The following NMBR variants were observed in gnomAD, a reference collection of about 807,000 sequenced individuals.
The protein encoded by NMBR is neuromedin-B receptor.
NMBR carries 16 observed loss-of-function variants against 20.5 expected under a neutral mutation model. That is an observed-to-expected ratio of 0.78 (90% CI 0.53 to 1.19). The LOEUF (loss-of-function observed/expected upper bound fraction) is 1.19, where lower values mean the gene tolerates loss of function less well. Ranked by LOEUF, NMBR falls within the 50% of genes most tolerant of loss-of-function variation. The probability of loss-of-function intolerance (pLI) is 0.00; values close to 1 mark genes in which losing one functional copy is unlikely to be tolerated. For synonymous variants in NMBR, 212 were observed against 196.6 expected (o/e 1.08, Z -0.65); for missense variants, 582 against 499.1 (o/e 1.17, Z -1.58).
chr6:142,114,348 G>C, intron 1 of NMBR, among the ~76,000 whole-genome samples: 1 of 151,440 alleles, frequency 6.6e-6, no homozygotes, highest in East Asian at 1.9e-4. Flanking sequence ...TGACATTTTT[G>C]TGGTTGGTAA....
intron 1 of NMBR, among the ~76,000 whole-genome samples, chr6:142,125,527 A>ATATACATC (rs1554215504): frequency 6.6e-6 from 1 of 151,572 alleles, no homozygotes; most frequent in Non-Finnish European, 1.5e-5. Context: ...ACAATTACTC[A>ATATACATC]TGCTTTTATG....
chr6:142,097,115 A>C (rs1202359546), intron 1 of NMBR, among the ~76,000 whole-genome samples: 1 of 151,690 alleles, frequency 6.6e-6, no homozygotes, highest in African/African-American at 2.4e-5. Context: ...ATGGGTCTTG[A>C]CTCTTTATCC....
Position 142,088,882 on chromosome 6 carries a change from G to T in NMBR, c.-224C>A, listed in dbSNP as rs1056333058. On this transcript the variant is annotated 5_prime_UTR_variant, in exon 2 of 4. Transcript: ENST00000258042. Reference sequence around the variant, plus strand: ...GCTTCTAGAGGGGGGAAATGGCTCCGGCTAACTCTGAATTTAAATTAAAAA... The same window carrying T: ...GCTTCTAGAGGGGGGAAATGGCTCCTGCTAACTCTGAATTTAAATTAAAAA... 276 of 464,452 alleles carry T rather than the reference G, an allele frequency of 5.9e-4. No individual in the cohort carries two copies. Among genetic ancestry groups the T allele is most frequent in the Non-Finnish European group, 9.2e-4 (243 of 264,896 alleles). The allele number at this position is 464,452 out of a possible 1,614,324, so 28.8% of individuals were successfully genotyped here.
chr6:142,106,059 C>T (rs2114585108), intron 1 of NMBR, among the ~76,000 whole-genome samples: 1 of 152,012 alleles, frequency 6.6e-6, no homozygotes, highest in Non-Finnish European at 1.5e-5. Flanking sequence ...ACACAAGAAC[C>T]CTCCCTAATG....
chr6:142,131,963 A>G (rs1302795519), intron 1 of NMBR, among the ~76,000 whole-genome samples: 1 of 152,208 alleles, frequency 6.6e-6, no homozygotes, highest in African/African-American at 2.4e-5. Context: ...CTTCTTGGGA[A>G]TCAACACAAA....
chr6:142,080,219 T>C (rs1777065781), intron 2 of NMBR, among the ~76,000 whole-genome samples: 1 of 152,034 alleles, frequency 6.6e-6, no homozygotes. Context: ...TGCTATCATC[T>C]TTTGTTTCCT....
intron 2 of NMBR, among the ~76,000 whole-genome samples, chr6:142,080,609 A>C (rs957387566): frequency 6.6e-6 from 1 of 152,154 alleles, no homozygotes; most frequent in East Asian, 1.9e-4. Flanking sequence ...TACTGCAGCC[A>C]GCTCTTGCTA....
chr6:142,120,176 C>G (rs1213148863), intron 1 of NMBR, among the ~76,000 whole-genome samples: 3 of 151,694 alleles, frequency 2.0e-5, no homozygotes, highest in Non-Finnish European at 4.4e-5. Flanking sequence ...TCTCTCCTGC[C>G]CTAAACAACT....
In NMBR at chr6:142,088,614, C is replaced by A. The variant is rs773547389; in HGVS notation, c.45G>T (p.Ala15=). 209 of 1,609,042 alleles carry A rather than the reference C, an allele frequency of 1.3e-4. No homozygotes were observed. Among genetic ancestry groups the A allele is most frequent in the Non-Finnish European group, 1.7e-4 (197 of 1,179,930 alleles). Residue 15 remains alanine (A), a synonymous_variant, in exon 2 of 4, where the codon GCG becomes GCT. Coordinates refer to ENST00000258042, the MANE Select transcript of NMBR (RefSeq NM_002511.4). The part of the protein sequence containing the change: ...SLSNLSVTTG[A]NESGSVPEGW... ...CCTCGGGAACGGAACCGCTCTCATTCGCGCCGGTGGTCACCGAGAGGTTGG... is the reference window on the plus strand; with the variant it reads ...CCTCGGGAACGGAACCGCTCTCATTAGCGCCGGTGGTCACCGAGAGGTTGG...
In NMBR at chr6:142,122,829, C is replaced by CA. The variant is rs199886976; in HGVS notation, c.-664+24214dup. On this transcript the variant is annotated intron_variant, in intron 1 of 3. Coordinates refer to ENST00000258042, the MANE Select transcript of NMBR (RefSeq NM_002511.4). ...AAATGCACTATTGAGACTTACTGCT[C>CA]AAAAAAAAAGGATTCCTTTCAAAAT... 4.1e-4 allele frequency among the ~76,000 whole-genome samples: 61 copies of CA among 150,148 alleles called. 1 individual carries two copies. The highest frequency in any genetic ancestry group is 1.6e-3 in the East Asian group (8 of 5,108).
At chr6:142,092,338 G>A (rs1031625578) in intron 1 of NMBR, among the ~76,000 whole-genome samples, 5 of 151,846 alleles carry the variant, frequency 3.3e-5, no homozygotes, top group African/African-American at 1.2e-4. Flanking sequence ...ATAATACTGG[G>A]AAAACTGTTG....
intron 1 of NMBR, among the ~76,000 whole-genome samples, chr6:142,146,657 C>T (rs1178073583): frequency 6.6e-6 from 1 of 152,076 alleles, no homozygotes; most frequent in Non-Finnish European, 1.5e-5. Context: ...AAAATACGTA[C>T]TAGCCAGCTG....
Position 142,076,039 on chromosome 6 carries a change from C to T in NMBR, c.782G>A (p.Arg261Gln), listed in dbSNP as rs769399701. The T allele has an allele frequency of 1.3e-5, 20 of 1,574,412 alleles. No individual in the cohort carries two copies. Among genetic ancestry groups the T allele is most frequent in the African/African-American group, 2.7e-5 (2 of 72,972 alleles). ...AAGCACAATTTTAGCCAGGCGTTTC[C>T]GTGTTTCCATCTGCAAATATAAGAA... ...NEHTKKQMETRKRLAKIVLVF... is the reference protein window; with the variant it reads ...NEHTKKQMETQKRLAKIVLVF... The change falls in exon 4 of 4, where the codon CGG becomes CAG. Residue 261 changes from arginine to glutamine, a missense_variant. Physicochemically the swap from Arg to Gln is conservative, Grantham distance 43 (BLOSUM62 1). Coordinates refer to ENST00000258042, the MANE Select transcript of NMBR (RefSeq NM_002511.4).
chr6:142,078,539 C>A lies in NMBR; in HGVS notation c.771+16G>T. The A allele has an allele frequency of 6.9e-7, 1 of 1,455,800 alleles. No individual in the cohort carries two copies. Among genetic ancestry groups the A allele is most frequent in the Non-Finnish European group, 9.4e-7 (1 of 1,060,260 alleles). 90.2% of individuals were successfully genotyped at this position (1,455,800 alleles called of 1,614,324 possible). A position where few individuals can be genotyped will look rare whatever the true frequency, so the allele number is the denominator to read the frequency against. On this transcript the variant is annotated intron_variant, in intron 3 of 3. Transcript: ENST00000258042. ...GTTCTGACCACACACCACCAACCCA[C>A]GCCTACTAAGCTTACCTGTTTTTTG...
chr6:142,088,109 C>T, intron 2 of NMBR, 128 bp downstream of exon 2: 1 of 832,564 alleles, frequency 1.2e-6, no homozygotes, highest in Non-Finnish European at 1.9e-6. Flanking sequence ...ACACTCTCTC[C>T]CTCTCTTCCT....
rs143524539 is a variant in NMBR at position 142,081,725 on chromosome 6, T to G, written c.423-2822A>C. Among the ~76,000 whole-genome samples the G allele has an allele frequency of 2.0e-3, 304 of 152,346 alleles. 1 individual carries two copies. Among genetic ancestry groups the G allele is most frequent in the Non-Finnish European group, 3.4e-3 (228 of 68,028 alleles). On this transcript the variant is annotated intron_variant, in intron 2 of 3. Coordinates refer to ENST00000258042, the MANE Select transcript of NMBR (RefSeq NM_002511.4). ...AAATTAATGTGGACATGTTTTATTA[T>G]GCTTCCTTCAAATATTTATAGACAT...
Position 142,075,082 on chromosome 6 carries a change from G to GTA in NMBR, c.*564_*565dup, listed in dbSNP as rs1776901938. Reference sequence around the variant, plus strand: ...CTTAAAATGAAGGACGTGTGTGTGTGTACATATATACATATACATATATAT... The same window carrying GTA: ...CTTAAAATGAAGGACGTGTGTGTGTGTATACATATATACATATACATATATAT... On this transcript the variant is annotated 3_prime_UTR_variant, in exon 4 of 4. Transcript: ENST00000258042. Among the ~76,000 whole-genome samples, 1 of 140,408 alleles carries GTA rather than the reference G, an allele frequency of 7.1e-6. No individual in the cohort carries two copies. Among genetic ancestry groups the GTA allele is most frequent in the Non-Finnish European group, 1.5e-5 (1 of 65,816 alleles). 92.1% of individuals were successfully genotyped at this position (140,408 alleles called of 152,430 possible).
chr6:142,081,610 CAT>C (rs1309006960), intron 2 of NMBR, among the ~76,000 whole-genome samples: 1 of 152,124 alleles, frequency 6.6e-6, no homozygotes, highest in Non-Finnish European at 1.5e-5. Flanking sequence ...AGTGCTGAGA[CAT>C]AGCTTACAAT....
chr6:142,115,863 C>G lies in NMBR; in HGVS notation c.-663-26542G>C, dbSNP rs368135689. On this transcript the variant is annotated intron_variant, in intron 1 of 3. Coordinates refer to ENST00000258042, the MANE Select transcript of NMBR (RefSeq NM_002511.4). ...TTCAATCAAAGAATGAACTTTAATA[C>G]CTGATATGCTTTGGCTGTGTCCCCA... Among the ~76,000 whole-genome samples, 32 of 152,064 alleles carry G rather than the reference C, an allele frequency of 2.1e-4. No homozygotes were observed. The East Asian group carries it at 5.6e-3, about 27-fold the overall frequency.
Sources: gnomAD v4.1 joint callset for allele counts (sites outside exome capture counted in the v4.1 genomes callset) on GRCh38, gnomAD v4.1.1 for gene constraint, MANE v1.5 for transcripts, NCBI Gene and HGNC (gene_info 2026-07-23, HGNC 2026-07-21) for gene names.